MAP2K6: variants seen among roughly 807,000 people sequenced by gnomAD.
The protein encoded by MAP2K6 is mitogen-activated protein kinase kinase 6, also known as dual specificity mitogen-activated protein kinase kinase 6.
MAP2K6 carries 16 observed loss-of-function variants against 53.7 expected under a neutral mutation model. The ratio of observed to expected loss-of-function variants is 0.30; its 90% confidence interval spans 0.20 to 0.45. MAP2K6 has a LOEUF of 0.45. MAP2K6 is among the 20% of genes least tolerant of loss of function. MAP2K6 has a pLI of 1.00. For synonymous variants in MAP2K6, 132 were observed against 143.1 expected (o/e 0.92, Z 0.55); for missense variants, 204 against 411.9 (o/e 0.50, Z 4.37).
chr17:69,533,321 TA>T (rs983563705), intron 10 of MAP2K6, among the ~76,000 whole-genome samples: 2 of 152,066 alleles, frequency 1.3e-5, no homozygotes, highest in African/African-American at 2.4e-5. Context: ...ATACAGCATT[TA>T]AAAAAAATAC....
rs1263337745 is a variant in MAP2K6 at position 69,553,252 on chromosome 17, A to G, written c.*11499A>G. On this transcript the variant is annotated 3_prime_UTR_variant, in exon 12 of 12. Transcript: ENST00000590474. ...GGTGGGATTTCCCATCACATCTAGT[A>G]AAAAACAACCTTTTCATTTCCCTCC... The G allele has an allele frequency of 6.6e-6, 1 of 152,168 alleles. No homozygotes were observed. The highest frequency in any genetic ancestry group is 1.5e-5 in the Non-Finnish European group (1 of 68,016). 9.4% of individuals were successfully genotyped at this position (152,168 alleles called of 1,614,324 possible). A position where few individuals can be genotyped will look rare whatever the true frequency, so the allele number is the denominator to read the frequency against.
intron 1 of MAP2K6, among the ~76,000 whole-genome samples, chr17:69,424,990 C>T (rs1906222230): frequency 6.6e-6 from 1 of 152,210 alleles, no homozygotes; most frequent in Non-Finnish European, 1.5e-5. Context: ...GGTTGTATCA[C>T]ACAGAAACTA....
chr17:69,515,678 A>C (rs890618703), intron 2 of MAP2K6, among the ~76,000 whole-genome samples: 8 of 152,190 alleles, frequency 5.3e-5, no homozygotes, highest in African/African-American at 1.9e-4. Flanking sequence ...AGAATTGTAT[A>C]TGTGCTGTGC....
intron 5 of MAP2K6, 178 bp downstream of exon 5, chr17:69,519,610 G>A: frequency 1.5e-6 from 1 of 651,666 alleles, no homozygotes; most frequent in Non-Finnish European, 2.5e-6. Context: ...TGAAATTATG[G>A]TATTTTCAAA....
At chr17:69,484,046 A>C (rs1050486800) in intron 1 of MAP2K6, among the ~76,000 whole-genome samples, 1 of 152,144 alleles carries the variant, frequency 6.6e-6, no homozygotes, top group Admixed American at 6.6e-5. Flanking sequence ...GATTTCTTAG[A>C]TATAATAGCA....
rs191581442 is a variant in MAP2K6, at chr17:69,488,663, G to A, written c.17-17117G>A. Among the ~76,000 whole-genome samples the A allele has an allele frequency of 3.6e-4, 55 of 152,296 alleles. 1 individual carries two copies. Among genetic ancestry groups the A allele is most frequent in the African/African-American group, 1.2e-3 (51 of 41,564 alleles). Reference sequence around the variant, plus strand: ...AGTCAGTGCAGGAACAGAAAAGCGAGTACTGCATGCTCTCACTTAGAAGTG... The same window carrying A: ...AGTCAGTGCAGGAACAGAAAAGCGAATACTGCATGCTCTCACTTAGAAGTG... On this transcript the variant is annotated intron_variant, in intron 1 of 11. Coordinates refer to ENST00000590474, the MANE Select transcript of MAP2K6 (RefSeq NM_002758.4).
At chr17:69,539,247 C>T (rs1439564159) in intron 11 of MAP2K6, among the ~76,000 whole-genome samples, 5 of 152,172 alleles carry the variant, frequency 3.3e-5, no homozygotes, top group Admixed American at 1.3e-4. Context: ...GTCTATTCCT[C>T]GTAGTATGTT....
intron 1 of MAP2K6, among the ~76,000 whole-genome samples, chr17:69,418,670 A>T (rs1360694456): frequency 6.6e-6 from 1 of 152,138 alleles, no homozygotes; most frequent in African/African-American, 2.4e-5. Flanking sequence ...ATCCTCTTCC[A>T]TTGTATTTAT....
At chr17:69,465,539 T>C (rs1327209582) in intron 1 of MAP2K6, among the ~76,000 whole-genome samples, 1 of 152,058 alleles carries the variant, frequency 6.6e-6, no homozygotes, top group Admixed American at 6.5e-5. Context: ...TACATCCTTA[T>C]TGCTGATTTT....
rs912033651 is a variant in MAP2K6, at chr17:69,479,356, C to T, written c.17-26424C>T. On this transcript the variant is annotated intron_variant, in intron 1 of 11. Transcript: ENST00000590474. ...TGCCACAAGTGAAAAATGCCACACTCGGGTACTTAACACAAAGTTTGCTTC... is the reference window on the plus strand; with the variant it reads ...TGCCACAAGTGAAAAATGCCACACTTGGGTACTTAACACAAAGTTTGCTTC... Among the ~76,000 whole-genome samples, 7 of 152,032 alleles carry T rather than the reference C, an allele frequency of 4.6e-5. 1 individual carries two copies. The highest frequency in any genetic ancestry group is 2.0e-4 in the Admixed American group (3 of 15,270).
intron 10 of MAP2K6, among the ~76,000 whole-genome samples, chr17:69,535,296 A>T (rs1911298187): frequency 6.6e-6 from 1 of 152,162 alleles, no homozygotes; most frequent in African/African-American, 2.4e-5. Context: ...GTATTACCTT[A>T]GAAATGTTAT....
In MAP2K6 at chr17:69,498,955, T is replaced by C. The variant is rs949947431; in HGVS notation, c.17-6825T>C. 1.2e-4 allele frequency among the ~76,000 whole-genome samples: 19 copies of C among 152,238 alleles called. No homozygotes were observed. The South Asian group carries it at 1.5e-3, about 12-fold the overall frequency. On this transcript the variant is annotated intron_variant, in intron 1 of 11. Coordinates refer to ENST00000590474, the MANE Select transcript of MAP2K6 (RefSeq NM_002758.4). ...TAAGTTTCATGTCTGGCCACTGGTT[T>C]GGAGCCAATCTGGTGGAGTGTGGTA...
chr17:69,538,717 G>GGCCCCTACAGAAGCACA (rs1911476853), intron 11 of MAP2K6, among the ~76,000 whole-genome samples: 1 of 152,172 alleles, frequency 6.6e-6, no homozygotes. Flanking sequence ...CGGATTGAAG[G>GGCCCCTACAGAAGCACA]GTGTGTATTC....
chr17:69,421,869 T>C (rs1871166529), intron 1 of MAP2K6, among the ~76,000 whole-genome samples: 1 of 151,772 alleles, frequency 6.6e-6, no homozygotes, highest in African/African-American at 2.4e-5. Context: ...AACAGCTGGC[T>C]GCCCTCTAAC....
intron 1 of MAP2K6, among the ~76,000 whole-genome samples, chr17:69,481,922 G>A (rs1365164080): frequency 6.6e-6 from 1 of 152,144 alleles, no homozygotes; most frequent in African/African-American, 2.4e-5. Flanking sequence ...CCTAGAAGTG[G>A]AGTTGCTAGA....
rs143017970 is a variant in MAP2K6 at position 69,466,111 on chromosome 17, T to TA, written c.17-39652dup. Among the ~76,000 whole-genome samples, 216 of 136,014 alleles carry TA rather than the reference T, an allele frequency of 1.6e-3. 1 individual carries two copies. Among genetic ancestry groups the TA allele is most frequent in the Non-Finnish European group, 2.6e-3 (164 of 63,726 alleles). 89.2% of individuals were successfully genotyped at this position (136,014 alleles called of 152,430 possible). On this transcript the variant is annotated intron_variant, in intron 1 of 11. Coordinates refer to ENST00000590474, the MANE Select transcript of MAP2K6 (RefSeq NM_002758.4). ...AACATGATGAGACCCCATCAGTACT[T>TA]AAAAAAAAAAAAAAAAATGCAAAAA...
At chr17:69,504,204 C>G (rs1387782153) in intron 1 of MAP2K6, among the ~76,000 whole-genome samples, 1 of 152,034 alleles carries the variant, frequency 6.6e-6, no homozygotes, top group Non-Finnish European at 1.5e-5. Flanking sequence ...AGGGCCATAT[C>G]CAGGGCTTGT....
At chr17:69,457,628 TAAAAACAAACA>T (rs1250883199) in intron 1 of MAP2K6, among the ~76,000 whole-genome samples, 1 of 151,918 alleles carries the variant, frequency 6.6e-6, no homozygotes, top group Non-Finnish European at 1.5e-5. Context: ...TCACTTGAGC[TAAAAACAAACA>T]AACAAACAAA....
intron 1 of MAP2K6, among the ~76,000 whole-genome samples, chr17:69,420,705 A>G (rs1906050169): frequency 6.6e-6 from 1 of 151,628 alleles, no homozygotes; most frequent in South Asian, 2.1e-4. Flanking sequence ...TCACTAAACC[A>G]CACGTGAACA....
Sources: allele counts gnomAD v4.1 joint callset (sites outside exome capture counted in the v4.1 genomes callset), GRCh38; gene constraint gnomAD v4.1.1; transcripts MANE v1.5; gene names NCBI Gene and HGNC (gene_info 2026-07-23, HGNC 2026-07-21).